Variants in FALEC observed in about 807,000 individuals in gnomAD.
FALEC encodes the protein focally amplified lncRNA on chromosome 1.
downstream of FALEC, among the ~76,000 whole-genome samples, chr1:150,518,386 CTT>C (rs796565110): frequency 9.4e-5 from 7 of 74,332 alleles, no homozygotes; most frequent in African/African-American, 6.0e-5. Flanking sequence ...AAGTCTCTCT[CTT>C]TTTTTTTTTT....
chr1:150,526,086 G>A, the FALEC span, among the ~76,000 whole-genome samples: 1 of 151,924 alleles, frequency 6.6e-6, no homozygotes, highest in African/African-American at 2.4e-5. Context: ...TTTTTGGGCA[G>A]GTGCAGTGGC....
At chr1:150,530,288 G>A in the FALEC span, among the ~76,000 whole-genome samples, 15 of 152,160 alleles carry the variant, frequency 9.9e-5, no homozygotes, top group South Asian at 6.2e-4. Context: ...TAACGGCTGG[G>A]TACTTACTAA....
At chr1:150,522,894 TATATATATAC>T (rs1310341973), downstream of FALEC, among the ~76,000 whole-genome samples, 70 of 75,980 alleles carry the variant, frequency 9.2e-4, 3 homozygotes, top group Non-Finnish European at 1.5e-3. Context: ...TATACGTATA[TATATATATAC>T]ATATATATAC....
downstream of FALEC, among the ~76,000 whole-genome samples, chr1:150,522,975 A>ATT (rs1560270879): frequency 5.2e-4 from 15 of 28,844 alleles, no homozygotes; most frequent in Non-Finnish European, 7.8e-4. Context: ...ATATATATAT[A>ATT]TATATATATT....
the FALEC span, among the ~76,000 whole-genome samples, chr1:150,529,469 C>T: frequency 6.6e-6 from 1 of 152,236 alleles, no homozygotes; most frequent in Non-Finnish European, 1.5e-5. Context: ...AAAATGAAAC[C>T]TTGTAGAACT....
chr1:150,521,135 C>T (rs1670637372), downstream of FALEC, among the ~76,000 whole-genome samples: 1 of 152,104 alleles, frequency 6.6e-6, no homozygotes, highest in Non-Finnish European at 1.5e-5. Context: ...CAGAAATATG[C>T]CAATTTATCC....
chr1:150,518,873 A>G (rs929013319), downstream of FALEC, among the ~76,000 whole-genome samples: 1 of 151,930 alleles, frequency 6.6e-6, no homozygotes, highest in East Asian at 2.0e-4. Context: ...CCTGGCCAAC[A>G]TGGTGAAACC....
At chr1:150,523,907 G>C in the FALEC span, among the ~76,000 whole-genome samples, 1 of 152,100 alleles carries the variant, frequency 6.6e-6, no homozygotes, top group Non-Finnish European at 1.5e-5. Flanking sequence ...AATGCGATTT[G>C]ACAACAGAAG....
At chr1:150,530,302 G>A in the FALEC span, among the ~76,000 whole-genome samples, 1 of 152,188 alleles carries the variant, frequency 6.6e-6, no homozygotes, top group Admixed American at 6.5e-5. Flanking sequence ...TTACTAATAG[G>A]ACGCACATTT....
chr1:150,529,077 A>C, the FALEC span, among the ~76,000 whole-genome samples: 5 of 150,288 alleles, frequency 3.3e-5, no homozygotes, highest in African/African-American at 1.2e-4. Context: ...GAGAAGCAGG[A>C]TAAATCCGTG....
chr1:150,529,410 C>T, the FALEC span, among the ~76,000 whole-genome samples: 1 of 152,228 alleles, frequency 6.6e-6, no homozygotes, highest in East Asian at 1.9e-4. Flanking sequence ...GTTCCTTTCT[C>T]AGATGAAGTA....
the FALEC span, among the ~76,000 whole-genome samples, chr1:150,529,953 G>A: frequency 3.9e-5 from 6 of 152,048 alleles, no homozygotes; most frequent in Non-Finnish European, 2.9e-5. Context: ...CATTTTTCTG[G>A]GGCGAGTATC....
chr1:150,522,916 T>C (rs587685783), downstream of FALEC, among the ~76,000 whole-genome samples: 11 of 98,938 alleles, frequency 1.1e-4, no homozygotes, highest in Non-Finnish European at 2.0e-4. Context: ...TATATATACA[T>C]ATATATATAC....
chr1:150,527,502 GC>G, the FALEC span, among the ~76,000 whole-genome samples: 1 of 151,898 alleles, frequency 6.6e-6, no homozygotes, highest in South Asian at 2.1e-4. Context: ...CAGGTGATCT[GC>G]CCGCCTCAGC....
the FALEC span, among the ~76,000 whole-genome samples, chr1:150,524,109 G>A: frequency 6.6e-6 from 1 of 152,182 alleles, no homozygotes; most frequent in East Asian, 1.9e-4. Flanking sequence ...GAGAATAAAT[G>A]ACTGTTGTTT....
chr1:150,533,746 C>G, the FALEC span, among the ~76,000 whole-genome samples: 24 of 151,948 alleles, frequency 1.6e-4, no homozygotes, highest in African/African-American at 5.3e-4. Flanking sequence ...CTGTTTTTTT[C>G]AGATTCTAAC....
the FALEC span, among the ~76,000 whole-genome samples, chr1:150,535,660 T>C: frequency 6.6e-5 from 10 of 152,310 alleles, no homozygotes; most frequent in African/African-American, 2.2e-4. Flanking sequence ...TCATTTAAAC[T>C]CCACAGAACC....
the FALEC span, among the ~76,000 whole-genome samples, chr1:150,535,614 A>G: frequency 5.4e-4 from 82 of 152,344 alleles, no homozygotes; most frequent in African/African-American, 1.9e-3. Flanking sequence ...ATGGTGGGCC[A>G]GGCACTGTTC....
At chr1:150,527,974 T>C in the FALEC span, among the ~76,000 whole-genome samples, 1 of 152,164 alleles carries the variant, frequency 6.6e-6, no homozygotes, top group East Asian at 1.9e-4. Flanking sequence ...AGGCATCCAA[T>C]AGGCAGCAAA....
Sources: gnomAD v4.1 joint callset for allele counts (sites outside exome capture counted in the v4.1 genomes callset) on GRCh38, gnomAD v4.1.1 for gene constraint, MANE v1.5 for transcripts, NCBI Gene and HGNC (gene_info 2026-07-23, HGNC 2026-07-21) for gene names.